The following MRTFB variants were observed in gnomAD, a reference collection of about 807,000 sequenced individuals.
The protein encoded by MRTFB is myocardin related transcription factor B, also known as myocardin-related transcription factor B.
A neutral mutation model predicts 104.2 loss-of-function variants in MRTFB; 29 were observed. The ratio of observed to expected loss-of-function variants is 0.28; its 90% CI spans 0.21 to 0.38. The LOEUF is 0.38. Among genes scored for constraint, MRTFB ranks in the 10% least tolerant of loss-of-function variants. The pLI is 1.00. For synonymous variants in MRTFB, 535 were observed against 519.5 expected (o/e 1.03, Z -0.41); for missense variants, 1,270 against 1,341.6 (o/e 0.95, Z 0.83).
the MRTFB span, among the ~76,000 whole-genome samples, chr16:14,044,739 C>T: frequency 6.6e-6 from 1 of 152,176 alleles, no homozygotes; most frequent in Non-Finnish European, 1.5e-5. Context: ...GTTTGAGAGA[C>T]TTTGTCATTT....
chr16:14,025,422 C>T, the MRTFB span, among the ~76,000 whole-genome samples: 4 of 152,246 alleles, frequency 2.6e-5, no homozygotes, highest in East Asian at 7.7e-4. Flanking sequence ...TCTTTATAGG[C>T]CAGTTGTATC....
At chr16:14,234,551 T>C (rs374931830) in intron 9 of MRTFB, among the ~76,000 whole-genome samples, 1 of 152,168 alleles carries the variant, frequency 6.6e-6, no homozygotes, top group East Asian at 1.9e-4. Context: ...CCCAGTGCTT[T>C]GGAAGGCTGA....
intron 2 of MRTFB, among the ~76,000 whole-genome samples, chr16:14,088,273 A>G (rs755519282): frequency 2.2e-4 from 33 of 152,300 alleles, no homozygotes; most frequent in Non-Finnish European, 3.5e-4. Flanking sequence ...GCATTACCTC[A>G]TTTTGTTTTC....
At chr16:14,047,944 C>T in the MRTFB span, among the ~76,000 whole-genome samples, 10 of 152,166 alleles carry the variant, frequency 6.6e-5, no homozygotes, top group Non-Finnish European at 1.5e-4. Flanking sequence ...AGCATTAATT[C>T]AAAAGTTCAT....
chr16:14,227,557 G>A (rs1361622618), intron 8 of MRTFB, among the ~76,000 whole-genome samples: 1 of 152,058 alleles, frequency 6.6e-6, no homozygotes, highest in Non-Finnish European at 1.5e-5. Flanking sequence ...TGTTGCCCAG[G>A]CTGGAGTGCA....
At chr16:14,226,881 C>G (rs908192058) in intron 8 of MRTFB, among the ~76,000 whole-genome samples, 2 of 151,734 alleles carry the variant, frequency 1.3e-5, no homozygotes, top group African/African-American at 4.8e-5. Flanking sequence ...ACTCCAGAAG[C>G]TGAGATGAGA....
At chr16:14,218,749 T>C in intron 7 of MRTFB, 71 bp from the exon 8 acceptor site, 1 of 1,442,484 alleles carries the variant, frequency 6.9e-7, no homozygotes, top group Non-Finnish European at 9.3e-7. Flanking sequence ...AAACAATGTT[T>C]TCCTCCTTCA....
upstream of MRTFB, among the ~76,000 whole-genome samples, chr16:14,067,295 C>T (rs1256405604): frequency 6.7e-6 from 1 of 150,124 alleles, no homozygotes; most frequent in Non-Finnish European, 1.5e-5. Context: ...GATCTCTGCT[C>T]ACTGCCAGCC....
At chr16:14,163,133 A>C (rs2039103982) in intron 3 of MRTFB, among the ~76,000 whole-genome samples, 1 of 152,192 alleles carries the variant, frequency 6.6e-6, no homozygotes, top group South Asian at 2.1e-4. Flanking sequence ...ATTTATTTGC[A>C]GTTCTTTTTG....
chr16:14,140,440 A>G (rs2037935890), intron 2 of MRTFB, 104 bp from the exon 3 acceptor site: 3 of 732,412 alleles, frequency 4.1e-6, no homozygotes, highest in Non-Finnish European at 4.4e-6. Context: ...ATGACCATAC[A>G]GCAGTAAAAC....
chr16:14,098,045 A>G (rs1257021656), intron 2 of MRTFB, among the ~76,000 whole-genome samples: 1 of 152,192 alleles, frequency 6.6e-6, no homozygotes, highest in African/African-American at 2.4e-5. Flanking sequence ...GGGCTATTAC[A>G]AATAAAATCA....
chr16:14,036,296 T>TTATATTTA, the MRTFB span, among the ~76,000 whole-genome samples: 3 of 98,316 alleles, frequency 3.1e-5, no homozygotes, highest in Admixed American at 4.2e-4. Flanking sequence ...TTATATATAT[T>TTATATTTA]TATATATATA....
At chr16:14,007,385 TC>T in the MRTFB span, among the ~76,000 whole-genome samples, 1 of 152,174 alleles carries the variant, frequency 6.6e-6, no homozygotes, top group African/African-American at 2.4e-5. Flanking sequence ...GCTTTTAAGT[TC>T]CCCCATGTTG....
At chr16:14,133,630 C>G (rs866622571) in intron 2 of MRTFB, among the ~76,000 whole-genome samples, 4 of 151,922 alleles carry the variant, frequency 2.6e-5, no homozygotes, top group African/African-American at 9.7e-5. Context: ...TCTGCTTTTT[C>G]TCCTTGCCTT....
At chr16:14,070,467 TGCTCTCTACCA>T (rs1264332308), upstream of MRTFB, among the ~76,000 whole-genome samples, 5 of 152,234 alleles carry the variant, frequency 3.3e-5, no homozygotes, top group Non-Finnish European at 7.3e-5. Context: ...CATTCCATCA[TGCTCTCTACCA>T]GCAAAACGCC....
the MRTFB span, among the ~76,000 whole-genome samples, chr16:14,047,227 C>T: frequency 8.5e-5 from 13 of 152,332 alleles, no homozygotes; most frequent in African/African-American, 3.1e-4. Flanking sequence ...CTTTATCTTT[C>T]TCTCCGGAGC....
At position 14,261,140 on chromosome 16, in the gene MRTFB, T is replaced by C; in HGVS notation, c.2996T>C (p.Leu999Pro). Residue 999 changes from leucine (L) to proline (P), a missense_variant, in exon 17 of 17, where the codon CTA becomes CCA. Leu to Pro is a moderately conservative substitution (Grantham distance 98, BLOSUM62 -3). This residue lies in a region of MRTFB where 1,144 missense variants were observed against 1,131.5 expected (regional missense o/e 1.01). Coordinates refer to ENST00000571589, the MANE Select transcript of MRTFB (RefSeq NM_001308142.2). ...CCCTCAGCCAATGAAATTCCTCCAC[T>C]ACAAAGCAGCAGTGAAGACAGAGAG... ...TLPSANEIPP[L>P]QSSSEDREPF... 6.2e-7 allele frequency: 1 copy of C among 1,614,186 alleles called. No homozygotes were observed. Among genetic ancestry groups the C allele is most frequent in the Non-Finnish European group, 8.5e-7 (1 of 1,180,040 alleles).
At chr16:14,050,233 T>C in the MRTFB span, among the ~76,000 whole-genome samples, 1 of 152,204 alleles carries the variant, frequency 6.6e-6, no homozygotes, top group Non-Finnish European at 1.5e-5. Context: ...ATAAAGTGTA[T>C]ATAAGAGATT....
At chr16:14,144,943 T>G (rs1289514504) in intron 3 of MRTFB, among the ~76,000 whole-genome samples, 1 of 136,226 alleles carries the variant, frequency 7.3e-6, no homozygotes, top group Non-Finnish European at 1.5e-5. Context: ...AGCAAGACTC[T>G]GTCTCAAAAA....
Sources: allele counts gnomAD v4.1 joint callset (sites outside exome capture counted in the v4.1 genomes callset), GRCh38; gene constraint gnomAD v4.1.1; regional missense constraint gnomAD v4.1.1; transcripts MANE v1.5; gene names NCBI Gene and HGNC (gene_info 2026-07-23, HGNC 2026-07-21).